The following GALC variants were observed in gnomAD, a reference collection of about 807,000 sequenced individuals.
GALC encodes the protein galactosylceramidase.
Under a neutral mutation model 91.8 loss-of-function variants are expected in GALC, and 77 were observed. The observed-to-expected ratio is 0.84, with a 90% CI of 0.70 to 1.01. The LOEUF is 1.01. Among genes scored for constraint, GALC ranks in the 50% least tolerant of loss-of-function variants. The pLI is 0.00. For synonymous variants in GALC, 357 were observed against 306.7 expected (o/e 1.16, Z -1.71); for missense variants, 882 against 855.9 (o/e 1.03, Z -0.38).
chr14:87,972,869 G>A (rs1211918102), intron 7 of GALC, among the ~76,000 whole-genome samples: 1 of 152,002 alleles, frequency 6.6e-6, no homozygotes, highest in African/African-American at 2.4e-5. Flanking sequence ...GTGGAATAAT[G>A]ATTTAACTTA....
chr14:87,977,438 C>T (rs1192510505), intron 6 of GALC, among the ~76,000 whole-genome samples: 1 of 152,028 alleles, frequency 6.6e-6, no homozygotes, highest in African/African-American at 2.4e-5. Flanking sequence ...CAACAGGACA[C>T]CAAAACTAAC....
chr14:87,988,189 A>G lies in GALC; in HGVS notation c.283T>C (p.Leu95=), dbSNP rs1286180695. 1 of 1,613,768 alleles carries G rather than the reference A, an allele frequency of 6.2e-7. No individual in the cohort carries two copies. The highest frequency in any genetic ancestry group is 1.1e-5 in the South Asian group (1 of 91,078). The change falls in exon 3 of 17, where the codon TTG becomes CTG. Residue 95 remains leucine, a synonymous_variant. Transcript: ENST00000261304. ...YLFKPNFGAS[L]HILKVEIGGD... ...CCTATTTCCACTTTTAAAATATGCA[A>G]AGAGGCACCAAAATTCGGCTGTGAA...
chr14:87,982,666 T>G (rs1886798538), intron 5 of GALC, among the ~76,000 whole-genome samples: 1 of 152,192 alleles, frequency 6.6e-6, no homozygotes, highest in East Asian at 1.9e-4. Flanking sequence ...AGAAGGCATA[T>G]TTTTAAGCAT....
At chr14:87,965,314 G>C (rs989886983) in intron 9 of GALC, among the ~76,000 whole-genome samples, 191 bp downstream of exon 9, 1 of 151,926 alleles carries the variant, frequency 6.6e-6, no homozygotes, top group Non-Finnish European at 1.5e-5. Flanking sequence ...TAAAAGCCTG[G>C]TCTTAGAATA....
At chr14:87,958,870 A>G (rs1268571555) in intron 10 of GALC, among the ~76,000 whole-genome samples, 1 of 152,198 alleles carries the variant, frequency 6.6e-6, no homozygotes, top group Non-Finnish European at 1.5e-5. Context: ...ACTTAAATAT[A>G]AAACCTGAAA....
upstream of GALC, chr14:87,993,306 G>T (rs1887320257): frequency 6.5e-7 from 1 of 1,537,276 alleles, no homozygotes. Flanking sequence ...CTGGCGGAGT[G>T]TTGAGAAAAG....
At chr14:87,993,491 C>A (rs185943390), upstream of GALC, 2,207 of 1,535,102 alleles carry the variant, frequency 1.4e-3, 5 homozygotes, top group Middle Eastern at 3.5e-3. Context: ...CATGGCTCTT[C>A]CCCAGCATCT....
At chr14:87,945,188 C>G (rs1885018406) in intron 14 of GALC, among the ~76,000 whole-genome samples, 1 of 151,842 alleles carries the variant, frequency 6.6e-6, no homozygotes, top group South Asian at 2.1e-4. Context: ...ATGGCAACAC[C>G]AGATCAACAA....
intron 6 of GALC, chr14:87,980,477 G>C (rs1886693383): frequency 1.0e-6 from 1 of 980,162 alleles, no homozygotes; most frequent in African/African-American, 1.8e-5. Context: ...CATCTTTCAT[G>C]ACTTGTTTTT....
intron 1 of GALC, among the ~76,000 whole-genome samples, chr14:87,988,898 C>T (rs189601269): frequency 4.2e-4 from 64 of 152,234 alleles, no homozygotes; most frequent in African/African-American, 1.4e-3. Context: ...TAACATCTTC[C>T]GGAAAAACAT....
In GALC at chr14:87,934,117, G is replaced by A. The variant is rs1056041499; in HGVS notation, c.*615C>T. 6.9e-7 allele frequency: 1 copy of A among 1,452,736 alleles called. No homozygotes were observed. 90.0% of individuals were successfully genotyped at this position (1,452,736 alleles called of 1,614,324 possible). On this transcript the variant is annotated 3_prime_UTR_variant, in exon 17 of 17. Transcript: ENST00000261304. Reference sequence around the variant, plus strand: ...TAATATCTATTACTGCAGAAATAGTGTTAGAGGTAGTTTATTAAAGAGGCA... The same window carrying A: ...TAATATCTATTACTGCAGAAATAGTATTAGAGGTAGTTTATTAAAGAGGCA...
At chr14:87,967,952 T>C (rs1218067275) in intron 8 of GALC, among the ~76,000 whole-genome samples, 1 of 152,188 alleles carries the variant, frequency 6.6e-6, no homozygotes, top group Non-Finnish European at 1.5e-5. Context: ...TATGAAAACA[T>C]GATACTGTGA....
At chr14:87,954,893 C>T (rs913320579) in intron 10 of GALC, 19 of 1,579,786 alleles carry the variant, frequency 1.2e-5, no homozygotes, top group Non-Finnish European at 1.7e-5. Context: ...TATAGGCCAG[C>T]TTTAATGACT....
chr14:87,947,159 T>C (rs1023768104), intron 13 of GALC, among the ~76,000 whole-genome samples: 1 of 152,042 alleles, frequency 6.6e-6, no homozygotes, highest in South Asian at 2.1e-4. Context: ...ACTAGGAATA[T>C]AACTACAATG....
In GALC at chr14:87,988,198, C is replaced by T; in HGVS notation, c.274G>A (p.Gly92Ser). The T allele has an allele frequency of 6.2e-7, 1 of 1,613,498 alleles. No homozygotes were observed. Among genetic ancestry groups the T allele is most frequent in the Non-Finnish European group, 8.5e-7 (1 of 1,179,718 alleles). The change falls in exon 3 of 17, where the codon GGT becomes AGT. Residue 92 changes from glycine to serine, a missense_variant. By Grantham distance (56) the Gly-to-Ser change is moderately conservative. Coordinates refer to ENST00000261304, the MANE Select transcript of GALC (RefSeq NM_000153.4). ...ILDYLFKPNFGASLHILKVEI... is the reference protein window; with the variant it reads ...ILDYLFKPNFSASLHILKVEI... ...ACTTTTAAAATATGCAAAGAGGCAC[C>T]AAAATTCGGCTGTGAAAAGAAGTAA...
At chr14:87,981,457 T>TAA in intron 6 of GALC, 1 of 189,780 alleles carries the variant, frequency 5.3e-6, no homozygotes, top group Non-Finnish European at 1.0e-5. Context: ...CCTATGGAAA[T>TAA]AAAAAAAAAT....
intron 14 of GALC, among the ~76,000 whole-genome samples, chr14:87,944,979 T>TA (rs11415579): frequency 0.96 from 145,475 of 151,980 alleles, 69,922 homozygotes; most frequent in Non-Finnish European, 1. Context: ...ATTCTGTAAC[T>TA]AAAGAGGAAG....
chr14:87,982,586 T>G (rs1307516954), intron 5 of GALC, among the ~76,000 whole-genome samples: 1 of 152,152 alleles, frequency 6.6e-6, no homozygotes, highest in Non-Finnish European at 1.5e-5. Context: ...GGAGAACTAA[T>G]AGACAGGGAA....
intron 10 of GALC, among the ~76,000 whole-genome samples, chr14:87,952,189 G>A (rs1885338077): frequency 6.6e-6 from 1 of 151,608 alleles, no homozygotes; most frequent in South Asian, 2.1e-4. Context: ...AAAACCAAAA[G>A]CTGATTCTTC....
Sources: gnomAD v4.1 joint callset for allele counts (sites outside exome capture counted in the v4.1 genomes callset) on GRCh38, gnomAD v4.1.1 for gene constraint, MANE v1.5 for transcripts, NCBI Gene and HGNC (gene_info 2026-07-23, HGNC 2026-07-21) for gene names.